HOXC4: variants seen among roughly 807,000 people sequenced by gnomAD.
The protein encoded by HOXC4 is homeobox C4, also known as homeobox protein Hox-C4.
In HOXC4, 15 loss-of-function variants were observed where a neutral mutation model predicts 25.5. The ratio of observed to expected loss-of-function variants is 0.59; its 90% confidence interval spans 0.39 to 0.91. The LOEUF (loss-of-function observed/expected upper bound fraction) is 0.91, where lower values mean the gene tolerates loss of function less well. HOXC4 is among the 40% of genes least tolerant of loss of function. The pLI, the probability that HOXC4 is intolerant of heterozygous loss-of-function variation, is 0.00. For synonymous variants in HOXC4, 165 were observed against 148.0 expected, an observed-to-expected ratio of 1.11 and a Z score of -0.83; for missense variants, 342 against 352.4, an observed-to-expected ratio of 0.97 and a Z score of 0.24.
chr12:54,024,937 C>A (rs1440352392), intron 1 of HOXC4, among the ~76,000 whole-genome samples: 1 of 152,174 alleles, frequency 6.6e-6, no homozygotes, highest in Non-Finnish European at 1.5e-5. Context: ...GCAATTTTTC[C>A]CTTGTATTCT....
intron 1 of HOXC4, among the ~76,000 whole-genome samples, chr12:54,031,419 C>A (rs1208200580): frequency 6.6e-6 from 1 of 152,210 alleles, no homozygotes; most frequent in Non-Finnish European, 1.5e-5. Context: ...TGAGCTCTCG[C>A]CTGCTCTGGT....
chr12:54,043,194 C>T (rs1460472602), intron 1 of HOXC4, among the ~76,000 whole-genome samples: 1 of 152,192 alleles, frequency 6.6e-6, no homozygotes, highest in Non-Finnish European at 1.5e-5. Flanking sequence ...TCCACTGCTC[C>T]AGGCATGCTG....
upstream of HOXC4, among the ~76,000 whole-genome samples, chr12:54,051,260 T>A (rs1009257654): frequency 6.6e-6 from 1 of 151,792 alleles, no homozygotes; most frequent in African/African-American, 2.4e-5. Flanking sequence ...GTTTCCTCCC[T>A]CTTCATCAAC....
In HOXC4 at chr12:54,054,978, G is replaced by T. The variant is rs1371101421; in HGVS notation, c.568G>T (p.Ala190Ser). ...YLTRRRRIEI[A>S]HSLCLSERQI... ...GACCCGAAGGAGAAGGATCGAGATC[G>T]CCCACTCGCTGTGCCTCTCTGAGAG... Residue 190 changes from alanine to serine, a missense_variant, in exon 2 of 2, where the codon GCC becomes TCC. By Grantham distance (99) the Ala-to-Ser change is moderately conservative. Transcript: ENST00000430889. 1.9e-6 allele frequency: 3 copies of T among 1,613,990 alleles called. No homozygotes were observed. The highest frequency in any genetic ancestry group is 1.7e-5 in the Admixed American group (1 of 60,008).
chr12:54,041,932 A>G (rs67772913), intron 1 of HOXC4, among the ~76,000 whole-genome samples: 56,839 of 150,342 alleles, frequency 0.38, 11,505 homozygotes, highest in East Asian at 0.63. Flanking sequence ...CAAAGTGCTG[A>G]GATTACAGGT....
Position 54,027,835 on chromosome 12 carries a change from T to C in HOXC4, c.-124+10421T>C, listed in dbSNP as rs1299926209. Among the ~76,000 whole-genome samples the C allele has an allele frequency of 2.0e-5, 3 of 152,146 alleles. No homozygotes were observed. In the East Asian group the frequency reaches 5.8e-4, roughly 29 times the overall value. On this transcript the variant is annotated intron_variant, in intron 1 of 3. Transcript: ENST00000303406. ...AGTTGTTCCCCACATCCCTACTACA[T>C]TCAAGACTCTCAGCCACACTCTACT... is the stretch of plus-strand genomic sequence containing the variant.
At chr12:54,036,000 G>A (rs780015443) in intron 1 of HOXC4, among the ~76,000 whole-genome samples, 1 of 152,104 alleles carries the variant, frequency 6.6e-6, no homozygotes, top group African/African-American at 2.4e-5. Context: ...CTAGGGCCTC[G>A]GGCTATGCAG....
chr12:54,049,127 A>C (rs1937785400), upstream of HOXC4, among the ~76,000 whole-genome samples: 1 of 152,220 alleles, frequency 6.6e-6, no homozygotes, highest in Non-Finnish European at 1.5e-5. Flanking sequence ...TGGGGAACCC[A>C]ACCTCTAACT....
upstream of HOXC4, among the ~76,000 whole-genome samples, chr12:54,049,230 G>A (rs191380717): frequency 6.6e-5 from 10 of 152,220 alleles, no homozygotes; most frequent in Admixed American, 1.3e-4. Context: ...TATTGAACTC[G>A]CTGGAAGATC....
intron 1 of HOXC4, among the ~76,000 whole-genome samples, chr12:54,018,163 T>C (rs1159440641): frequency 7.2e-6 from 1 of 138,212 alleles, no homozygotes; most frequent in South Asian, 2.3e-4. Flanking sequence ...GGTTGTAGGG[T>C]GGGGGTGGGG....
At chr12:54,018,177 G>C (rs1940250028) in intron 1 of HOXC4, among the ~76,000 whole-genome samples, 1 of 152,228 alleles carries the variant, frequency 6.6e-6, no homozygotes, top group Non-Finnish European at 1.5e-5. Context: ...GGTGGGGGAT[G>C]CTGTACTCAA....
chr12:54,044,942 A>C (rs1937668579), intron 1 of HOXC4, among the ~76,000 whole-genome samples: 1 of 152,200 alleles, frequency 6.6e-6, no homozygotes, highest in South Asian at 2.1e-4. Flanking sequence ...CCTTAGTTCA[A>C]GCCAGATCAG....
Position 54,054,936 on chromosome 12 carries a change from C to T in HOXC4, c.526C>T (p.His176Tyr). The stretch of plus-strand genomic sequence containing the variant: ...AGTCCTGGAATTAGAGAAAGAGTTT[C>T]ATTACAACCGCTACCTGACCCGAAG... Reference protein sequence around the residue: ...QQVLELEKEFHYNRYLTRRRR... With the variant: ...QQVLELEKEFYYNRYLTRRRR... Residue 176 changes from histidine to tyrosine, a missense_variant, in exon 2 of 2, where the codon CAT (histidine) becomes TAT (tyrosine). Transcript: ENST00000430889. 6.2e-7 allele frequency: 1 copy of T among 1,614,080 alleles called. No homozygotes were observed. Among genetic ancestry groups the T allele is most frequent in the Non-Finnish European group, 8.5e-7 (1 of 1,180,014 alleles).
At chr12:54,027,552 G>A (rs1418340520) in intron 1 of HOXC4, among the ~76,000 whole-genome samples, 1 of 152,162 alleles carries the variant, frequency 6.6e-6, no homozygotes, top group Admixed American at 6.5e-5. Context: ...CAGAGTTTTC[G>A]TTCTTCCTCT....
At chr12:54,040,108 C>A (rs1438743013) in intron 1 of HOXC4, among the ~76,000 whole-genome samples, 1 of 152,180 alleles carries the variant, frequency 6.6e-6, no homozygotes, top group Non-Finnish European at 1.5e-5. Context: ...AGGGCAAACG[C>A]AAAGGAGGCC....
intron 1 of HOXC4, among the ~76,000 whole-genome samples, chr12:54,026,941 C>T (rs895460762): frequency 4.2e-5 from 6 of 142,450 alleles, no homozygotes; most frequent in Non-Finnish European, 6.1e-5. Context: ...AGCTTTCCCC[C>T]CCCCCAACCC....
upstream of HOXC4, among the ~76,000 whole-genome samples, chr12:54,049,372 C>T (rs545020300): frequency 4.8e-4 from 73 of 152,230 alleles, no homozygotes; most frequent in African/African-American, 1.7e-3. Flanking sequence ...TATTAAAATG[C>T]GGCCACTTTT....
At chr12:54,045,672 A>C (rs1304240316) in intron 1 of HOXC4, among the ~76,000 whole-genome samples, 1 of 152,220 alleles carries the variant, frequency 6.6e-6, no homozygotes, top group African/African-American at 2.4e-5. Context: ...TTCTAGAAGG[A>C]CTTAAACTTA....
At chr12:54,028,388 A>G (rs1391414086) in intron 1 of HOXC4, 7 of 951,812 alleles carry the variant, frequency 7.4e-6, no homozygotes, top group Non-Finnish European at 3.1e-6. Flanking sequence ...ATTGGCTGGG[A>G]GGGGGTCAGC....
Sources: allele counts gnomAD v4.1 joint callset (sites outside exome capture counted in the v4.1 genomes callset), GRCh38; gene constraint gnomAD v4.1.1; transcripts MANE v1.5; gene names NCBI Gene and HGNC (gene_info 2026-07-23, HGNC 2026-07-21).